The following CAPZB variants were observed in gnomAD, a reference collection of about 807,000 sequenced individuals.
CAPZB encodes capping actin protein of muscle Z-line subunit beta.
Under a neutral mutation model 38.1 loss-of-function variants are expected in CAPZB, and 2 were observed. That is an observed-to-expected ratio of 0.05 (90% CI 0.02 to 0.17). CAPZB has a LOEUF of 0.17. CAPZB is among the 10% of genes least tolerant of loss of function. The pLI is 1.00. For synonymous variants in CAPZB, 107 were observed against 127.4 expected, an observed-to-expected ratio of 0.84 and a Z score of 1.08; for missense variants, 161 against 334.2, an observed-to-expected ratio of 0.48 and a Z score of 4.04.
chr1:19,404,476 G>A (rs2094320438), intron 2 of CAPZB, among the ~76,000 whole-genome samples: 2 of 150,852 alleles, frequency 1.3e-5, no homozygotes. Flanking sequence ...CTCGGGAGGT[G>A]GAGGCTGCAG....
intron 4 of CAPZB, among the ~76,000 whole-genome samples, chr1:19,358,580 A>G (rs934189967): frequency 5.3e-5 from 8 of 152,372 alleles, no homozygotes; most frequent in Admixed American, 4.6e-4. Flanking sequence ...ACTGTGGCTC[A>G]CTGGGACTGC....
rs373574632 is a variant in CAPZB at position 19,400,313 on chromosome 1, C to G, written c.94-14687G>C. The stretch of plus-strand genomic sequence containing the variant: ...GATGATGGAGAGGAGAAACCCCAGG[C>G]TCCAACTACAAAACCCTGCGGGACA... On this transcript the variant is annotated intron_variant, in intron 2 of 8. Transcript: ENST00000264202. 5.3e-5 allele frequency among the ~76,000 whole-genome samples: 8 copies of G among 152,318 alleles called. No individual in the cohort carries two copies. The East Asian group carries it at 7.7e-4, about 15-fold the overall frequency.
At chr1:19,418,864 T>G (rs1415803985) in intron 2 of CAPZB, among the ~76,000 whole-genome samples, 6 of 152,202 alleles carry the variant, frequency 3.9e-5, no homozygotes, top group Non-Finnish European at 1.5e-5. Context: ...TGATGAGCCA[T>G]GCTTGGCAAT....
intron 2 of CAPZB, among the ~76,000 whole-genome samples, chr1:19,397,339 AC>A (rs1406686118): frequency 6.6e-6 from 1 of 152,204 alleles, no homozygotes; most frequent in East Asian, 1.9e-4. Flanking sequence ...CATCACAGCA[AC>A]CCTGCAGAAG....
At chr1:19,350,947 T>C (rs1264186676) in intron 6 of CAPZB, among the ~76,000 whole-genome samples, 1 of 142,510 alleles carries the variant, frequency 7.0e-6, no homozygotes. Flanking sequence ...TAAAACTGTG[T>C]GTAAAACAGT....
intron 4 of CAPZB, among the ~76,000 whole-genome samples, chr1:19,368,507 A>C (rs941272199): frequency 6.6e-5 from 10 of 151,404 alleles, no homozygotes; most frequent in Admixed American, 1.3e-4. Context: ...AAAAAAAAAA[A>C]AAAAAAACGG....
At chr1:19,383,274 T>C (rs1266340410) in intron 3 of CAPZB, among the ~76,000 whole-genome samples, 1 of 151,974 alleles carries the variant, frequency 6.6e-6, no homozygotes, top group Non-Finnish European at 1.5e-5. Context: ...GGTGAAACCC[T>C]GTCTGCACTG....
At chr1:19,365,830 G>A (rs1009730304) in intron 4 of CAPZB, among the ~76,000 whole-genome samples, 6 of 146,574 alleles carry the variant, frequency 4.1e-5, no homozygotes, top group Admixed American at 2.0e-4. Flanking sequence ...GTGAAACTCC[G>A]TCTCAAAAAG....
chr1:19,339,987 C>A (rs2093919340), intron 8 of CAPZB, among the ~76,000 whole-genome samples: 1 of 152,240 alleles, frequency 6.6e-6, no homozygotes, highest in Non-Finnish European at 1.5e-5. Context: ...CTTCCAAACA[C>A]AATGGAACAA....
chr1:19,456,536 T>C (rs985476021), intron 1 of CAPZB, among the ~76,000 whole-genome samples: 1 of 152,150 alleles, frequency 6.6e-6, no homozygotes, highest in Non-Finnish European at 1.5e-5. Flanking sequence ...TCTTGGTTCA[T>C]CGACTGCCTC....
chr1:19,459,892 C>G (rs2094545169), intron 1 of CAPZB, among the ~76,000 whole-genome samples: 1 of 152,176 alleles, frequency 6.6e-6, no homozygotes, highest in Admixed American at 6.5e-5. Context: ...CCCATAGTCA[C>G]GTAGTTGCCT....
At chr1:19,350,950 A>C (rs1283827395) in intron 6 of CAPZB, among the ~76,000 whole-genome samples, 1 of 140,036 alleles carries the variant, frequency 7.1e-6, no homozygotes, top group African/African-American at 2.6e-5. Context: ...AACTGTGTGT[A>C]AAACAGTTTT....
At chr1:19,400,729 G>A (rs2094298951) in intron 2 of CAPZB, among the ~76,000 whole-genome samples, 3 of 152,114 alleles carry the variant, frequency 2.0e-5, no homozygotes, top group African/African-American at 7.2e-5. Context: ...GAGTCCATAA[G>A]GTTCCCCAAA....
At chr1:19,454,499 T>C (rs778670009) in intron 1 of CAPZB, among the ~76,000 whole-genome samples, 1 of 152,204 alleles carries the variant, frequency 6.6e-6, no homozygotes, top group Non-Finnish European at 1.5e-5. Context: ...CCTGAGCGCT[T>C]AGAGTAGTGG....
At chr1:19,437,601 A>C (rs2094462343) in intron 1 of CAPZB, among the ~76,000 whole-genome samples, 3 of 152,178 alleles carry the variant, frequency 2.0e-5, no homozygotes, top group Admixed American at 2.0e-4. Flanking sequence ...CTGGAAAAGC[A>C]ATCAGGAACA....
At chr1:19,419,259 G>A (rs535370040) in intron 2 of CAPZB, among the ~76,000 whole-genome samples, 6 of 152,276 alleles carry the variant, frequency 3.9e-5, no homozygotes, top group South Asian at 2.1e-4. Context: ...ACAGGTAGAC[G>A]CTTGTACTGT....
chr1:19,422,855 AT>A (rs10535634), intron 1 of CAPZB, among the ~76,000 whole-genome samples: 2 of 97,940 alleles, frequency 2.0e-5, no homozygotes, highest in Non-Finnish European at 5.0e-5. Flanking sequence ...AAATTAAGAT[AT>A]AAGTAAGCCT....
intron 1 of CAPZB, chr1:19,484,320 C>CA: frequency 1.3e-6 from 2 of 1,593,748 alleles, no homozygotes; most frequent in South Asian, 1.1e-5. Flanking sequence ...CTGGTGGCCC[C>CA]CCAAGGCCAC....
At chr1:19,449,424 AGGGTGAACCAT>A in intron 1 of CAPZB, 1 of 730,820 alleles carries the variant, frequency 1.4e-6, no homozygotes, top group Middle Eastern at 6.9e-4. Flanking sequence ...AGCAGGTCTC[AGGGTGAACCAT>A]GGTATGTCCA....
Sources: allele counts gnomAD v4.1 joint callset (sites outside exome capture counted in the v4.1 genomes callset), GRCh38; gene constraint gnomAD v4.1.1; transcripts MANE v1.5; gene names NCBI Gene and HGNC (gene_info 2026-07-23, HGNC 2026-07-21).